Variants in C12orf54 observed in about 807,000 individuals in gnomAD.
C12orf54 encodes the protein uncharacterized protein C12orf54.
Under a neutral mutation model 26.4 loss-of-function variants are expected in C12orf54, and 24 were observed. The observed-to-expected ratio is 0.91, with a 90% CI of 0.66 to 1.28. The LOEUF is 1.28. Ranked by LOEUF, C12orf54 falls within the 50% of genes most tolerant of loss-of-function variation. The probability of loss-of-function intolerance (pLI) is 0.00; values close to 1 mark genes in which losing one functional copy is unlikely to be tolerated. For synonymous variants in C12orf54, 54 were observed against 47.0 expected, an observed-to-expected ratio of 1.15 and a Z score of -0.61; for missense variants, 154 against 150.9, an observed-to-expected ratio of 1.02 and a Z score of -0.11.
the C12orf54 span, among the ~76,000 whole-genome samples, chr12:48,433,048 A>G: frequency 6.6e-6 from 1 of 152,230 alleles, no homozygotes; most frequent in Non-Finnish European, 1.5e-5. Context: ...TACATCAGAA[A>G]TAACCAAGTA....
At chr12:48,436,403 G>A in the C12orf54 span, among the ~76,000 whole-genome samples, 4 of 152,094 alleles carry the variant, frequency 2.6e-5, no homozygotes, top group Admixed American at 6.6e-5. Context: ...TCTGCACCAA[G>A]CGGACCTAAT....
chr12:48,464,695 C>A, the C12orf54 span, among the ~76,000 whole-genome samples: 1 of 152,086 alleles, frequency 6.6e-6, no homozygotes, highest in African/African-American at 2.4e-5. Flanking sequence ...GTAACCAAAG[C>A]AGCTTGGTAC....
At chr12:48,468,581 AC>A in the C12orf54 span, among the ~76,000 whole-genome samples, 2 of 132,164 alleles carry the variant, frequency 1.5e-5, no homozygotes, top group African/African-American at 4.9e-5. Context: ...TACCATGCAA[AC>A]ACTAACTACA....
At chr12:48,442,603 C>T in the C12orf54 span, 2 of 163,716 alleles carry the variant, frequency 1.2e-5, no homozygotes, top group Non-Finnish European at 2.7e-5. Context: ...CATAGGCCAT[C>T]ACAGCAAGCA....
At chr12:48,444,327 C>A in the C12orf54 span, among the ~76,000 whole-genome samples, 3 of 152,178 alleles carry the variant, frequency 2.0e-5, no homozygotes, top group Admixed American at 6.5e-5. Context: ...GGAATCAAAT[C>A]AAGAAATGCA....
At chr12:48,487,738 T>C (rs909208643) in intron 4 of C12orf54, 3 of 282,832 alleles carry the variant, frequency 1.1e-5, no homozygotes, top group Admixed American at 4.7e-5. Flanking sequence ...TACTCTTATA[T>C]ACAAATTGAA....
At chr12:48,419,682 A>G in the C12orf54 span, among the ~76,000 whole-genome samples, 11 of 152,118 alleles carry the variant, frequency 7.2e-5, no homozygotes, top group African/African-American at 2.7e-4. Context: ...CATGGAGGAG[A>G]GGAAGGGATG....
the C12orf54 span, among the ~76,000 whole-genome samples, chr12:48,447,280 G>A: frequency 5.9e-5 from 9 of 151,294 alleles, no homozygotes; most frequent in African/African-American, 2.2e-4. Context: ...CCGTGAGGAG[G>A]TGGCCATCTA....
the C12orf54 span, among the ~76,000 whole-genome samples, chr12:48,437,303 G>A: frequency 6.6e-6 from 1 of 152,194 alleles, no homozygotes; most frequent in Non-Finnish European, 1.5e-5. Flanking sequence ...TGGATTCACA[G>A]CTGAATTCTA....
At chr12:48,493,364 G>A (rs867285875) in intron 7 of C12orf54, among the ~76,000 whole-genome samples, 1 of 152,152 alleles carries the variant, frequency 6.6e-6, no homozygotes, top group South Asian at 2.1e-4. Context: ...CTGGGTGTGG[G>A]GTGGTTCACG....
At chr12:48,458,883 T>C in the C12orf54 span, among the ~76,000 whole-genome samples, 11 of 152,102 alleles carry the variant, frequency 7.2e-5, no homozygotes, top group Admixed American at 1.3e-4. Context: ...TTTTCAGAGA[T>C]TTTAAGCATT....
chr12:48,423,064 G>A, the C12orf54 span, among the ~76,000 whole-genome samples: 1 of 152,128 alleles, frequency 6.6e-6, no homozygotes, highest in Non-Finnish European at 1.5e-5. Flanking sequence ...AAATGCATCT[G>A]TCAGAGGTGG....
At chr12:48,453,164 G>A in the C12orf54 span, among the ~76,000 whole-genome samples, 1 of 152,124 alleles carries the variant, frequency 6.6e-6, no homozygotes, top group Non-Finnish European at 1.5e-5. Context: ...GCCATAAAAA[G>A]GAACGAGATC....
chr12:48,440,102 G>A, the C12orf54 span, among the ~76,000 whole-genome samples: 1 of 151,970 alleles, frequency 6.6e-6, no homozygotes, highest in Non-Finnish European at 1.5e-5. Context: ...ACAGGCGCCT[G>A]TAATCCCAGC....
intron 6 of C12orf54, among the ~76,000 whole-genome samples, chr12:48,491,942 T>A (rs1418111251): frequency 6.6e-6 from 1 of 152,194 alleles, no homozygotes; most frequent in Non-Finnish European, 1.5e-5. Context: ...GACTCTCGTA[T>A]GGTGCCAAAG....
chr12:48,472,969 AC>A, the C12orf54 span: 7 of 1,614,056 alleles, frequency 4.3e-6, no homozygotes, highest in Non-Finnish European at 5.9e-6. Flanking sequence ...AAAATTAAAG[AC>A]CTCAGCACAA....
chr12:48,496,480 A>G lies in C12orf54; in HGVS notation c.*340A>G, dbSNP rs532620115. ...TTGGTTCAAAGAACAGCACTGTAGC[A>G]TGGGAGAACCTGCACTATAATGTCA... On this transcript the variant is annotated 3_prime_UTR_variant, in exon 9 of 9. Transcript: ENST00000548364. The G allele has an allele frequency of 3.3e-5, 5 of 152,694 alleles. No individual in the cohort carries two copies. The highest frequency in any genetic ancestry group is 7.3e-5 in the Non-Finnish European group (5 of 68,050). The allele number at this position is 152,694 out of a possible 1,614,324, so 9.5% of individuals were successfully genotyped here.
the C12orf54 span, among the ~76,000 whole-genome samples, chr12:48,474,647 C>G: frequency 4.6e-5 from 7 of 152,346 alleles, 1 homozygote; most frequent in Middle Eastern, 0.02. Context: ...TCATTGCTAG[C>G]ACAGCAGTCC....
At chr12:48,491,593 A>C (rs1309468222) in intron 6 of C12orf54, among the ~76,000 whole-genome samples, 1 of 152,126 alleles carries the variant, frequency 6.6e-6, no homozygotes, top group African/African-American at 2.4e-5. Context: ...AGTACAGAAA[A>C]GGGGAACAGC....
Sources: allele counts gnomAD v4.1 joint callset (sites outside exome capture counted in the v4.1 genomes callset), GRCh38; gene constraint gnomAD v4.1.1; transcripts MANE v1.5; gene names NCBI Gene and HGNC (gene_info 2026-07-23, HGNC 2026-07-21).